Variants in PALM2AKAP2 observed in about 807,000 individuals in gnomAD.
PALM2AKAP2 encodes the protein PALM2-AKAP2 fusion protein.
A neutral mutation model predicts 71.5 loss-of-function variants in PALM2AKAP2; 37 were observed. The ratio of observed to expected loss-of-function variants is 0.52; its 90% CI spans 0.40 to 0.68. The LOEUF is 0.68. Among genes scored for constraint, PALM2AKAP2 ranks in the 30% least tolerant of loss-of-function variants. The pLI is 0.00. For synonymous variants in PALM2AKAP2, 468 were observed against 478.8 expected (o/e 0.98, Z 0.29); for missense variants, 1,224 against 1,191.8 (o/e 1.03, Z -0.40).
chr9:109,803,041 G>C (rs1284225321), intron 1 of PALM2AKAP2, among the ~76,000 whole-genome samples: 2 of 152,128 alleles, frequency 1.3e-5, no homozygotes, highest in Non-Finnish European at 2.9e-5. Flanking sequence ...ACTAGAATCA[G>C]AATAGTCTGT....
At chr9:109,865,268 T>G (rs566824631) in intron 1 of PALM2AKAP2, among the ~76,000 whole-genome samples, 25 of 151,834 alleles carry the variant, frequency 1.6e-4, no homozygotes, top group Non-Finnish European at 3.2e-4. Context: ...CTGGCCAATT[T>G]TTATATTTTT....
chr9:109,837,898 G>A (rs1189901051), intron 1 of PALM2AKAP2, among the ~76,000 whole-genome samples: 18 of 152,030 alleles, frequency 1.2e-4, no homozygotes, highest in Admixed American at 1.0e-3. Flanking sequence ...AGAGACCTAC[G>A]AAGAGACTTA....
rs1393331496 is a variant in PALM2AKAP2 at position 110,020,695 on chromosome 9, C to CA, written c.582+4663dup. On this transcript the variant is annotated intron_variant, in intron 7 of 9. Coordinates refer to the PALM2AKAP2 transcript ENST00000302798. ...TGAGACTCCATCTCAAAACAAAAAA[C>CA]AAAAAAACCCTCTCTTCTTCATAAA... Among the ~76,000 whole-genome samples the CA allele has an allele frequency of 3.3e-5, 5 of 151,370 alleles. 1 individual carries two copies. The highest frequency in any genetic ancestry group is 1.2e-4 in the African/African-American group (5 of 41,300).
intron 1 of PALM2AKAP2, among the ~76,000 whole-genome samples, chr9:109,792,490 C>T (rs937760466): frequency 6.6e-6 from 1 of 152,108 alleles, no homozygotes; most frequent in African/African-American, 2.4e-5. Context: ...TTTGTGCAAT[C>T]ACTGGTATAC....
intron 1 of PALM2AKAP2, among the ~76,000 whole-genome samples, chr9:110,052,727 C>T (rs932850544): frequency 6.6e-6 from 1 of 152,196 alleles, no homozygotes; most frequent in African/African-American, 2.4e-5. Context: ...GCTATTCCGT[C>T]TTCTTGCCTT....
chr9:110,153,521 C>CTTAA (rs1836374592), intron 2 of PALM2AKAP2, among the ~76,000 whole-genome samples: 2 of 152,234 alleles, frequency 1.3e-5, no homozygotes, highest in Non-Finnish European at 2.9e-5. Flanking sequence ...TTGGTGAAGG[C>CTTAA]ATTTAAGCCC....
intron 1 of PALM2AKAP2, among the ~76,000 whole-genome samples, chr9:110,088,420 A>T (rs34313750): frequency 0.28 from 43,083 of 151,990 alleles, 7,987 homozygotes; most frequent in African/African-American, 0.52. Context: ...GCCCAAGGCC[A>T]ACCTGATTGG....
chr9:109,891,958 T>C (rs747887538), intron 3 of PALM2AKAP2, among the ~76,000 whole-genome samples: 3 of 152,212 alleles, frequency 2.0e-5, no homozygotes, highest in Non-Finnish European at 2.9e-5. Flanking sequence ...TGTTTCCTTA[T>C]CATTTTTCAT....
At chr9:109,942,823 T>C (rs199821807) in intron 6 of PALM2AKAP2, 12 of 1,614,096 alleles carry the variant, frequency 7.4e-6, no homozygotes, top group Non-Finnish European at 8.5e-6. Flanking sequence ...CAAAGTAGTG[T>C]ATGAGGTGCG....
At chr9:109,958,013 T>TC (rs1374671958) in intron 6 of PALM2AKAP2, among the ~76,000 whole-genome samples, 36 of 152,334 alleles carry the variant, frequency 2.4e-4, no homozygotes, top group Non-Finnish European at 4.3e-4. Flanking sequence ...GGCAATTAAT[T>TC]TCAATTCACC....
intron 1 of PALM2AKAP2, among the ~76,000 whole-genome samples, chr9:109,799,207 G>A (rs2131390623): frequency 1.3e-5 from 2 of 152,370 alleles, no homozygotes; most frequent in South Asian, 4.1e-4. Context: ...AGGAAGTGAT[G>A]TGAAGCTCAG....
At chr9:110,157,988 C>G (rs1277517466) in intron 3 of PALM2AKAP2, among the ~76,000 whole-genome samples, 1 of 152,232 alleles carries the variant, frequency 6.6e-6, no homozygotes, top group Non-Finnish European at 1.5e-5. Flanking sequence ...GCGTGGAGCA[C>G]TGGCTCAGCT....
chr9:109,796,108 G>A (rs959824224), intron 1 of PALM2AKAP2, among the ~76,000 whole-genome samples: 1 of 152,178 alleles, frequency 6.6e-6, no homozygotes, highest in African/African-American at 2.4e-5. Context: ...CAGAGTTCTT[G>A]TTCTGTATCT....
rs996490207 is a variant in PALM2AKAP2, at chr9:109,880,469, T to G, written c.127-82T>G. Reference sequence around the variant, plus strand: ...AGGCAGCGCTGGTGAGGGGTGGAGCTAAAACAGCACCACTGCAGAGGGAGA... The same window carrying G: ...AGGCAGCGCTGGTGAGGGGTGGAGCGAAAACAGCACCACTGCAGAGGGAGA... On this transcript the variant is annotated intron_variant, in intron 2 of 9. Coordinates refer to the PALM2AKAP2 transcript ENST00000302798. The G allele has an allele frequency of 3.9e-6, 6 of 1,557,008 alleles. No individual in the cohort carries two copies. The East Asian group carries it at 1.4e-4, about 35-fold the overall frequency.
chr9:109,922,104 G>T (rs762821873), intron 3 of PALM2AKAP2, among the ~76,000 whole-genome samples: 5 of 151,964 alleles, frequency 3.3e-5, no homozygotes, highest in Admixed American at 6.6e-5. Flanking sequence ...CTAATGGCCA[G>T]TTCCCGAGAG....
At chr9:109,782,788 G>A (rs75346868) in intron 1 of PALM2AKAP2, among the ~76,000 whole-genome samples, 3,694 of 151,550 alleles carry the variant, frequency 0.024, 163 homozygotes, top group African/African-American at 0.085. Flanking sequence ...ATGTGTGTGT[G>A]AGAGAGAGAG....
chr9:109,870,083 T>C (rs1414790637), intron 2 of PALM2AKAP2, among the ~76,000 whole-genome samples: 5 of 152,150 alleles, frequency 3.3e-5, no homozygotes, highest in African/African-American at 1.2e-4. Context: ...AGGTCCTGAA[T>C]TTCTGTATGC....
At chr9:110,120,088 T>C (rs1835450296) in intron 1 of PALM2AKAP2, among the ~76,000 whole-genome samples, 1 of 152,242 alleles carries the variant, frequency 6.6e-6, no homozygotes, top group Non-Finnish European at 1.5e-5. Flanking sequence ...ATGATAAATA[T>C]CCTTTTCACA....
At chr9:109,810,422 AG>A (rs1275091196) in intron 1 of PALM2AKAP2, among the ~76,000 whole-genome samples, 20 of 152,334 alleles carry the variant, frequency 1.3e-4, no homozygotes, top group Non-Finnish European at 2.9e-5. Flanking sequence ...AAGTATTTCT[AG>A]AAAGGGGCAG....
Sources: allele counts gnomAD v4.1 joint callset (sites outside exome capture counted in the v4.1 genomes callset), GRCh38; gene constraint gnomAD v4.1.1; transcripts MANE v1.5; gene names NCBI Gene and HGNC (gene_info 2026-07-23, HGNC 2026-07-21).